Variants in RPS6KA1 observed in about 807,000 individuals in gnomAD.
The protein encoded by RPS6KA1 is ribosomal protein S6 kinase alpha-1.
RPS6KA1 carries 48 observed loss-of-function variants against 91.3 expected under a neutral mutation model. The observed-to-expected ratio is 0.53, with a 90% CI of 0.42 to 0.67. The LOEUF (loss-of-function observed/expected upper bound fraction) is 0.67, where lower values mean the gene tolerates loss of function less well. RPS6KA1 is among the 30% of genes least tolerant of loss of function. The pLI is 0.00. For synonymous variants in RPS6KA1, 359 were observed against 384.7 expected (o/e 0.93, Z 0.78); for missense variants, 719 against 960.5 (o/e 0.75, Z 3.32).
At chr1:26,537,087 C>G (rs993359996) in intron 2 of RPS6KA1, 118 bp downstream of exon 2, 1 of 1,036,030 alleles carries the variant, frequency 9.7e-7, no homozygotes, top group East Asian at 2.4e-5. Flanking sequence ...CCGTCCTTCT[C>G]AGGGCCCACC....
Position 26,554,653 on chromosome 1 carries a change from G to T in RPS6KA1, c.671G>T (p.Gly224Val). ...DHEKKAYSFC[G>V]TVEYMAPEVV... ...GAGAAGAAGGCCTATTCTTTCTGCGGGACAGTGGAGTACATGGCCCCTGAG... is the reference window on the plus strand; with the variant it reads ...GAGAAGAAGGCCTATTCTTTCTGCGTGACAGTGGAGTACATGGCCCCTGAG... Residue 224 changes from glycine (G) to valine (V), a missense_variant, in exon 9 of 22, where the codon GGG becomes GTG. Gly to Val is a moderately radical substitution (Grantham distance 109). This residue lies in a region of RPS6KA1 where 159 missense variants were observed against 264.5 expected (regional missense o/e 0.60). Coordinates refer to ENST00000374168, the MANE Select transcript of RPS6KA1 (RefSeq NM_002953.4). This position sits in a 1 kb window ranked among gnomAD's most constrained non-coding sequence, Gnocchi z 4.6. 6.2e-7 allele frequency: 1 copy of T among 1,613,960 alleles called. No homozygotes were observed. Among genetic ancestry groups the T allele is most frequent in the Non-Finnish European group, 8.5e-7 (1 of 1,179,862 alleles).
intron 17 of RPS6KA1, among the ~76,000 whole-genome samples, chr1:26,562,060 C>T (rs1009304872): frequency 6.6e-6 from 1 of 151,912 alleles, no homozygotes; most frequent in Non-Finnish European, 1.5e-5. Flanking sequence ...AAAAATTAGC[C>T]GGGTGTGGTG....
chr1:26,557,212 C>G (rs772049240), intron 13 of RPS6KA1, 112 bp downstream of exon 13: 3 of 786,820 alleles, frequency 3.8e-6, no homozygotes, highest in Non-Finnish European at 6.3e-6. Context: ...CCGAGGTATG[C>G]GGGTGGGCAG....
chr1:26,534,111 C>T (rs1353152218), intron 1 of RPS6KA1, among the ~76,000 whole-genome samples: 2 of 152,230 alleles, frequency 1.3e-5, no homozygotes, highest in Non-Finnish European at 2.9e-5. Flanking sequence ...CCCTTCCTCC[C>T]CACCCTCAGT....
At chr1:26,533,771 G>A (rs529059890) in intron 1 of RPS6KA1, among the ~76,000 whole-genome samples, 15 of 152,320 alleles carry the variant, frequency 9.8e-5, no homozygotes, top group African/African-American at 3.4e-4. Context: ...GTGGCTGGCA[G>A]AGCTAGGATT....
rs1179986446 is a variant in RPS6KA1, at chr1:26,556,634, C to T, written c.917-20C>T. On this transcript the variant is annotated intron_variant, in intron 11 of 21. Transcript: ENST00000374168. ...GACTTGTGCCAGCCAGGGACAGACCCTTCATTTGGGCTCTTTCAGGCTCCG... is the reference window on the plus strand; with the variant it reads ...GACTTGTGCCAGCCAGGGACAGACCTTTCATTTGGGCTCTTTCAGGCTCCG... The T allele has an allele frequency of 1.2e-6, 2 of 1,613,938 alleles. No individual in the cohort carries two copies. Among genetic ancestry groups the T allele is most frequent in the African/African-American group, 1.3e-5 (1 of 74,930 alleles).
In RPS6KA1 at chr1:26,540,446, A is replaced by T. The variant is rs2075938714; in HGVS notation, c.108+3477A>T. Among the ~76,000 whole-genome samples, 1 of 152,120 alleles carries T rather than the reference A, an allele frequency of 6.6e-6. No individual in the cohort carries two copies. Among genetic ancestry groups the T allele is most frequent in the Non-Finnish European group, 1.5e-5 (1 of 68,022 alleles). On this transcript the variant is annotated intron_variant, in intron 2 of 21. Coordinates refer to ENST00000374168, the MANE Select transcript of RPS6KA1 (RefSeq NM_002953.4). The surrounding 1 kb of genome is among the most constrained non-coding windows in gnomAD (Gnocchi z 4.2). ...CTTTCTGCCTGGCCAACATTTGTTC[A>T]TCCTCAGGACCCAGCTGGGCTGCCC...
In RPS6KA1 at chr1:26,540,842, G is replaced by C. The variant is rs2075941336; in HGVS notation, c.108+3873G>C. Among the ~76,000 whole-genome samples the C allele has an allele frequency of 6.6e-6, 1 of 152,222 alleles. No individual in the cohort carries two copies. Among genetic ancestry groups the C allele is most frequent in the South Asian group, 2.1e-4 (1 of 4,838 alleles). Reference sequence around the variant, plus strand: ...TTTCACTTTTGTTGCCCAGGCTGGAGTGCAATGGCACGATCTTGGCTCACC... The same window carrying C: ...TTTCACTTTTGTTGCCCAGGCTGGACTGCAATGGCACGATCTTGGCTCACC... On this transcript the variant is annotated intron_variant, in intron 2 of 21. Coordinates refer to ENST00000374168, the MANE Select transcript of RPS6KA1 (RefSeq NM_002953.4). This position sits in a 1 kb window ranked among gnomAD's most constrained non-coding sequence, Gnocchi z 4.2.
In RPS6KA1 at chr1:26,553,371, G is replaced by T. The variant is rs749776573; in HGVS notation, c.469-20G>T. On this transcript the variant is annotated intron_variant, in intron 6 of 21. Transcript: ENST00000374168. ...AAGGAAGAGGAGGTCCCTGCTGAAGGCCCCTCCTGTCTTTTGCAGGTGATG... is the reference window on the plus strand; with the variant it reads ...AAGGAAGAGGAGGTCCCTGCTGAAGTCCCCTCCTGTCTTTTGCAGGTGATG... 1.3e-6 allele frequency: 2 copies of T among 1,548,354 alleles called. No individual in the cohort carries two copies. Among genetic ancestry groups the T allele is most frequent in the Non-Finnish European group, 1.8e-6 (2 of 1,121,050 alleles).
At chr1:26,552,582 G>A (rs758842718) in intron 6 of RPS6KA1, among the ~76,000 whole-genome samples, 14 of 150,078 alleles carry the variant, frequency 9.3e-5, no homozygotes, top group Non-Finnish European at 1.9e-4. Context: ...CGCCTCCCGG[G>A]TTCAAGCAAT....
chr1:26,554,483 G>A lies in RPS6KA1; in HGVS notation c.614-113G>A. 7.2e-7 allele frequency: 1 copy of A among 1,389,506 alleles called. No homozygotes were observed. The highest frequency in any genetic ancestry group is 1.4e-5 in the South Asian group (1 of 73,608). 86.1% of individuals were successfully genotyped at this position (1,389,506 alleles called of 1,614,324 possible). ...TCTCTGGGCCTTAGCTTCCTCCTGAGTGTCATGGGGGTGATGCCTTCTGGC... is the reference window on the plus strand; with the variant it reads ...TCTCTGGGCCTTAGCTTCCTCCTGAATGTCATGGGGGTGATGCCTTCTGGC... On this transcript the variant is annotated intron_variant, in intron 8 of 21. Transcript: ENST00000374168. The surrounding 1 kb of genome is among the most constrained non-coding windows in gnomAD (Gnocchi z 4.6).
At chr1:26,549,687 GTTC>G (rs1466472771) in intron 4 of RPS6KA1, among the ~76,000 whole-genome samples, 3 of 133,310 alleles carry the variant, frequency 2.3e-5, no homozygotes, top group African/African-American at 8.5e-5. Context: ...CCAAAAGCCT[GTTC>G]TTTTTTTTTT....
chr1:26,554,417 C>A lies in RPS6KA1; in HGVS notation c.613+166C>A. 9.0e-7 allele frequency: 1 copy of A among 1,106,720 alleles called. No homozygotes were observed. The highest frequency in any genetic ancestry group is 1.3e-6 in the Non-Finnish European group (1 of 764,196). The allele number at this position is 1,106,720 out of a possible 1,614,324, so 68.6% of individuals were successfully genotyped here. A position where few individuals can be genotyped will look rare whatever the true frequency, so the allele number is the denominator to read the frequency against. Reference sequence around the variant, plus strand: ...GACTTGGAACACCCTCAGCTGGAATCCCAGCCCCTCATTGTGTAACGTTGA... The same window carrying A: ...GACTTGGAACACCCTCAGCTGGAATACCAGCCCCTCATTGTGTAACGTTGA... On this transcript the variant is annotated intron_variant, in intron 8 of 21. Coordinates refer to ENST00000374168, the MANE Select transcript of RPS6KA1 (RefSeq NM_002953.4). This position sits in a 1 kb window ranked among gnomAD's most constrained non-coding sequence, Gnocchi z 4.6.
intron 2 of RPS6KA1, among the ~76,000 whole-genome samples, chr1:26,543,634 C>T (rs1025959046): frequency 6.6e-6 from 1 of 152,090 alleles, no homozygotes; most frequent in Non-Finnish European, 1.5e-5. Flanking sequence ...ACAGACGGAC[C>T]CTAGTACTGA....
chr1:26,543,287 G>C (rs1021663345), intron 2 of RPS6KA1: 1 of 1,260,688 alleles, frequency 7.9e-7, no homozygotes, highest in Non-Finnish European at 1.1e-6. Flanking sequence ...AATGGGTTTG[G>C]GGGTGGCTCT....
rs928090372 is a variant in RPS6KA1 at position 26,553,924 on chromosome 1, A to G, written c.576-290A>G. The G allele has an allele frequency of 1.4e-5, 5 of 364,304 alleles. No homozygotes were observed. The South Asian group carries it at 2.6e-4, about 19-fold the overall frequency. The allele number at this position is 364,304 out of a possible 1,614,324, so 22.6% of individuals were successfully genotyped here. A position where few individuals can be genotyped will look rare whatever the true frequency, so the allele number is the denominator to read the frequency against. ...CTGTCTCCACCTACTAGCTAGACTT[A>G]CTAGCTCAATGACTGTAGAGCTACT... On this transcript the variant is annotated intron_variant, in intron 7 of 21. Transcript: ENST00000374168.
At chr1:26,556,909 G>A (rs1429175851) in intron 12 of RPS6KA1, 89 bp from the exon 13 acceptor site, 4 of 1,230,842 alleles carry the variant, frequency 3.2e-6, no homozygotes, top group African/African-American at 3.0e-5. Flanking sequence ...TATGGCCTAT[G>A]TTCCAAGCCC....
At chr1:26,544,371 A>G (rs1223584057) in intron 2 of RPS6KA1, among the ~76,000 whole-genome samples, 2 of 150,658 alleles carry the variant, frequency 1.3e-5, no homozygotes, top group Non-Finnish European at 3.0e-5. Flanking sequence ...TTATGTCTTC[A>G]TCTGTCTCTG....
chr1:26,543,836 T>C (rs2075969108), intron 2 of RPS6KA1, among the ~76,000 whole-genome samples: 1 of 152,162 alleles, frequency 6.6e-6, no homozygotes, highest in East Asian at 1.9e-4. Flanking sequence ...GGGCCTCAGT[T>C]TCCTATTCCT....
Sources: gnomAD v4.1 joint callset for allele counts (sites outside exome capture counted in the v4.1 genomes callset) on GRCh38, gnomAD v4.1.1 for gene constraint, gnomAD v4.1.1 regional missense constraint, Gnocchi (gnomAD v3.1) non-coding constraint, MANE v1.5 for transcripts, NCBI Gene and HGNC (gene_info 2026-07-23, HGNC 2026-07-21) for gene names.